SESN3: variants seen among roughly 807,000 people sequenced by gnomAD.
The protein encoded by SESN3 is sestrin 3, also known as sestrin-3.
A neutral mutation model predicts 55.3 loss-of-function variants in SESN3; 21 were observed. The ratio of observed to expected loss-of-function variants is 0.38; its 90% CI spans 0.27 to 0.55. The LOEUF (loss-of-function observed/expected upper bound fraction) is 0.55, where lower values mean the gene tolerates loss of function less well. SESN3 is among the 20% of genes least tolerant of loss of function. The probability of loss-of-function intolerance (pLI) is 0.76; values close to 1 mark genes in which losing one functional copy is unlikely to be tolerated. For missense variants in SESN3, 408 were observed against 604.3 expected, an observed-to-expected ratio of 0.68 and a Z score of 3.41; for synonymous variants, 181 against 203.1, an observed-to-expected ratio of 0.89 and a Z score of 0.93.
intron 5 of SESN3, among the ~76,000 whole-genome samples, chr11:95,185,027 A>C (rs1389061988): frequency 6.6e-6 from 1 of 152,088 alleles, no homozygotes; most frequent in Non-Finnish European, 1.5e-5. Flanking sequence ...GATCACTAGA[A>C]TGCATCACTG....
chr11:95,214,768 C>T (rs1860721376), intron 1 of SESN3, among the ~76,000 whole-genome samples: 3 of 152,064 alleles, frequency 2.0e-5, no homozygotes, highest in Admixed American at 2.0e-4. Context: ...ATCAATCTTC[C>T]TTGAAATAAA....
chr11:95,188,245 G>A (rs779442871), intron 4 of SESN3, among the ~76,000 whole-genome samples: 9 of 151,228 alleles, frequency 6.0e-5, no homozygotes, highest in South Asian at 2.1e-4. Flanking sequence ...CAGATATTAC[G>A]TATATTTATT....
At chr11:95,223,574 A>C (rs1208282155) in intron 1 of SESN3, among the ~76,000 whole-genome samples, 1 of 152,234 alleles carries the variant, frequency 6.6e-6, no homozygotes, top group African/African-American at 2.4e-5. Context: ...CTAGTTAGCC[A>C]GTTACTGTGG....
intron 8 of SESN3, among the ~76,000 whole-genome samples, chr11:95,176,862 G>A (rs546477882): frequency 6.6e-6 from 1 of 152,032 alleles, no homozygotes; most frequent in Non-Finnish European, 1.5e-5. Context: ...ACATTGTCTA[G>A]CATGGTAAAT....
At chr11:95,189,320 A>G (rs1484166342) in intron 4 of SESN3, among the ~76,000 whole-genome samples, 1 of 151,948 alleles carries the variant, frequency 6.6e-6, no homozygotes, top group East Asian at 1.9e-4. Context: ...CAGCTGGCAA[A>G]TCACTTTTTT....
chr11:95,217,298 C>G (rs1236980521), intron 1 of SESN3, among the ~76,000 whole-genome samples: 3 of 152,062 alleles, frequency 2.0e-5, no homozygotes, highest in Admixed American at 2.0e-4. Flanking sequence ...AACTGCACAA[C>G]TATAACAAGA....
intron 1 of SESN3, chr11:95,204,109 G>A (rs1860505710): frequency 6.6e-6 from 1 of 152,086 alleles, no homozygotes; most frequent in South Asian, 2.1e-4. Flanking sequence ...AAGAAAATGA[G>A]TTTTGAGATT....
At chr11:95,215,837 G>C (rs899858345) in intron 1 of SESN3, among the ~76,000 whole-genome samples, 1 of 152,076 alleles carries the variant, frequency 6.6e-6, no homozygotes, top group Non-Finnish European at 1.5e-5. Flanking sequence ...GGTGGCTCAC[G>C]CCTGTAGTCC....
At chr11:95,217,175 A>G (rs1314367098) in intron 1 of SESN3, among the ~76,000 whole-genome samples, 1 of 152,124 alleles carries the variant, frequency 6.6e-6, no homozygotes, top group East Asian at 1.9e-4. Flanking sequence ...TTGTTTTTTA[A>G]AACCACATGT....
Position 95,166,630 on chromosome 11 carries a change from A to T in SESN3, c.*6625T>A, listed in dbSNP as rs947896341. 1.3e-5 allele frequency: 2 copies of T among 152,180 alleles called. No homozygotes were observed. Among genetic ancestry groups the T allele is most frequent in the Non-Finnish European group, 2.9e-5 (2 of 68,036 alleles). 9.4% of individuals were successfully genotyped at this position (152,180 alleles called of 1,614,324 possible). A position where few individuals can be genotyped will look rare whatever the true frequency, so the allele number is the denominator to read the frequency against. ...AGATGCGTCCAGTTCTTCCATGACC[A>T]GGAAAGTTATTTTCAGGCTTAAAGG... is the stretch of plus-strand genomic sequence containing the variant. On this transcript the variant is annotated 3_prime_UTR_variant, in exon 10 of 10. Coordinates refer to ENST00000536441, the MANE Select transcript of SESN3 (RefSeq NM_144665.4).
At position 95,209,342 on chromosome 11, in the gene SESN3, G is replaced by A. The variant is rs956724430; in HGVS notation, c.79-15820C>T. On this transcript the variant is annotated intron_variant, in intron 1 of 9. Transcript: ENST00000536441. ...AAGCTCATCATCACTGGTCATTATA[G>A]AAATGCAAATCAAAAACACATGATT... Among the ~76,000 whole-genome samples the A allele has an allele frequency of 2.6e-4, 40 of 151,576 alleles. 1 individual carries two copies. Among genetic ancestry groups the A allele is most frequent in the Non-Finnish European group, 4.7e-4 (32 of 67,798 alleles).
At chr11:95,206,102 A>G (rs564918841) in intron 1 of SESN3, among the ~76,000 whole-genome samples, 86 of 152,144 alleles carry the variant, frequency 5.7e-4, no homozygotes, top group Non-Finnish European at 1.1e-3. Context: ...ATTCCCATTT[A>G]TATGATGCCT....
At position 95,173,414 on chromosome 11, in the gene SESN3, GT is replaced by G. The variant is rs1335336697; in HGVS notation, c.1393-74del. 11 of 871,988 alleles carry G rather than the reference GT, an allele frequency of 1.3e-5. No individual in the cohort carries two copies. In the East Asian group the frequency reaches 2.0e-4, roughly 16 times the overall value. 54.0% of individuals were successfully genotyped at this position (871,988 alleles called of 1,614,324 possible). A position where few individuals can be genotyped will look rare whatever the true frequency, so the allele number is the denominator to read the frequency against. On this transcript the variant is annotated intron_variant, in intron 9 of 9. Coordinates refer to ENST00000536441, the MANE Select transcript of SESN3 (RefSeq NM_144665.4). ...AAAATCTTATTAGACATTCACAAAG[GT>G]TTTTTTATGTGTATATAAGCAATAT...
At chr11:95,183,308 G>A (rs919746873) in intron 6 of SESN3, among the ~76,000 whole-genome samples, 1 of 152,012 alleles carries the variant, frequency 6.6e-6, no homozygotes, top group Non-Finnish European at 1.5e-5. Flanking sequence ...TAATTGAAAG[G>A]ATTAAAATGG....
intron 1 of SESN3, chr11:95,204,792 G>A (rs1245616941): frequency 6.6e-6 from 1 of 152,020 alleles, no homozygotes; most frequent in Non-Finnish European, 1.5e-5. Context: ...CCCAGTCTTT[G>A]GTTTTTGTTA....
intron 1 of SESN3, among the ~76,000 whole-genome samples, chr11:95,196,727 G>C (rs1439210020): frequency 5.9e-5 from 9 of 152,184 alleles, no homozygotes; most frequent in Admixed American, 5.9e-4. Flanking sequence ...AGCCACATAG[G>C]ACCACGTGTA....
intron 4 of SESN3, among the ~76,000 whole-genome samples, chr11:95,188,077 C>A (rs886087381): frequency 6.6e-6 from 1 of 151,078 alleles, no homozygotes; most frequent in Non-Finnish European, 1.5e-5. Flanking sequence ...TGCTTCCAGT[C>A]TGTACAATCT....
At chr11:95,222,037 T>C (rs1860867730) in intron 1 of SESN3, among the ~76,000 whole-genome samples, 1 of 152,230 alleles carries the variant, frequency 6.6e-6, no homozygotes, top group African/African-American at 2.4e-5. Flanking sequence ...GCCAGAATTC[T>C]AGAGTCAAAA....
chr11:95,217,744 A>G (rs1860786818), intron 1 of SESN3, among the ~76,000 whole-genome samples: 1 of 151,974 alleles, frequency 6.6e-6, no homozygotes, highest in Admixed American at 6.6e-5. Flanking sequence ...TGCACTAGTT[A>G]TGTCATGGCT....
Sources: allele counts gnomAD v4.1 joint callset (sites outside exome capture counted in the v4.1 genomes callset), GRCh38; gene constraint gnomAD v4.1.1; transcripts MANE v1.5; gene names NCBI Gene and HGNC (gene_info 2026-07-23, HGNC 2026-07-21).